Variants in STK36 observed in about 807,000 individuals in gnomAD.
The protein encoded by STK36 is serine/threonine kinase 36, also known as serine/threonine-protein kinase 36.
A neutral mutation model predicts 142.2 loss-of-function variants in STK36; 116 were observed. That is an observed-to-expected ratio of 0.82 (90% CI 0.70 to 0.95). The LOEUF (loss-of-function observed/expected upper bound fraction) is 0.95. STK36 is among the 40% of genes least tolerant of loss of function. STK36 has a pLI of 0.00. For synonymous variants in STK36, 619 were observed against 641.7 expected (o/e 0.96, Z 0.53); for missense variants, 1,422 against 1,617.2 (o/e 0.88, Z 2.07).
At chr2:218,679,106 T>C (rs1309266119) in intron 6 of STK36, 62 bp from the exon 7 acceptor site, 2 of 1,503,680 alleles carry the variant, frequency 1.3e-6, no homozygotes, top group African/African-American at 2.8e-5. Flanking sequence ...CTAGTTCTGC[T>C]GATAGAGAGA....
Position 218,676,249 on chromosome 2 carries a change from TG to T in STK36, c.657del (p.Trp219CysfsTer42). On this transcript the variant is annotated frameshift_variant, in exon 6 of 27. Transcript: ENST00000295709. LOFTEE classifies it high-confidence loss of function. Reference protein sequence around the residue: ...VSLILKDPVRWPSTISPCFKN... With the variant: ...VSLILKDPVRXPSTISPCFKN... ...CCTCATTCTCAAGGACCCTGTGCGC[TG>T]GCCCTCAACCATCAGTCCCTGCTTT... 1 of 1,614,224 alleles carries T rather than the reference TG, an allele frequency of 6.2e-7. No individual in the cohort carries two copies. The highest frequency in any genetic ancestry group is 1.1e-5 in the South Asian group (1 of 91,086).
chr2:218,675,570 G>A (rs1940202837), intron 5 of STK36, 97 bp downstream of exon 5: 9 of 1,426,478 alleles, frequency 6.3e-6, no homozygotes, highest in Non-Finnish European at 8.4e-6. Flanking sequence ...TGTTACCCAG[G>A]CTGAAGTGCA....
At chr2:218,693,854 T>G in intron 18 of STK36, 33 bp downstream of exon 18, 1 of 1,614,110 alleles carries the variant, frequency 6.2e-7, no homozygotes, top group Non-Finnish European at 8.5e-7. Flanking sequence ...CCCCACTGTC[T>G]CAGCCAGAGG....
At chr2:218,685,277 A>C in intron 11 of STK36, 49 bp downstream of exon 11, 1 of 1,605,888 alleles carries the variant, frequency 6.2e-7, no homozygotes, top group South Asian at 1.1e-5. Flanking sequence ...GTTTTCACAG[A>C]TGGAGCATTG....
At chr2:218,701,415 A>G (rs1941439561) in intron 26 of STK36, among the ~76,000 whole-genome samples, 1 of 151,822 alleles carries the variant, frequency 6.6e-6, no homozygotes, top group Admixed American at 6.6e-5. Flanking sequence ...ACGGGATTAC[A>G]GGCATGAGCC....
chr2:218,697,439 G>C, intron 23 of STK36, 24 bp from the exon 24 acceptor site: 3 of 1,612,920 alleles, frequency 1.9e-6, no homozygotes, highest in Non-Finnish European at 2.5e-6. Context: ...TGTTCCATTG[G>C]GTCTCCATTT....
intron 11 of STK36, among the ~76,000 whole-genome samples, chr2:218,687,644 G>A (rs2106356176): frequency 6.6e-6 from 1 of 152,248 alleles, no homozygotes; most frequent in Non-Finnish European, 1.5e-5. Context: ...ACTCCCTCTG[G>A]TGGAATTCCA....
intron 5 of STK36, among the ~76,000 whole-genome samples, chr2:218,675,722 C>G (rs1208722911): frequency 6.6e-6 from 1 of 151,878 alleles, no homozygotes; most frequent in Non-Finnish European, 1.5e-5. Flanking sequence ...TGGGGTTTCT[C>G]CATGTTGGTC....
At chr2:218,696,912 G>A in intron 22 of STK36, 127 bp from the exon 23 acceptor site, 1 of 1,328,292 alleles carries the variant, frequency 7.5e-7, no homozygotes, top group Non-Finnish European at 1.1e-6. Context: ...GGAAATACTA[G>A]GTGGGAAAGC....
At chr2:218,679,320 C>T in intron 7 of STK36, 59 bp downstream of exon 7, 7 of 1,509,390 alleles carry the variant, frequency 4.6e-6, no homozygotes, top group East Asian at 2.3e-5. Flanking sequence ...TAAACTACTT[C>T]CCTTTCACTT....
intron 4 of STK36, among the ~76,000 whole-genome samples, chr2:218,674,342 A>G (rs544079744): frequency 1.3e-5 from 2 of 152,336 alleles, no homozygotes; most frequent in South Asian, 4.1e-4. Context: ...AGATACCTTT[A>G]GGGAAGAAGG....
At chr2:218,690,263 T>C (rs1218695559) in intron 13 of STK36, among the ~76,000 whole-genome samples, 187 bp from the exon 14 acceptor site, 1 of 152,060 alleles carries the variant, frequency 6.6e-6, no homozygotes, top group Non-Finnish European at 1.5e-5. Flanking sequence ...AATATGCGAA[T>C]AACCTAGAGA....
chr2:218,679,723 G>T lies in STK36; in HGVS notation c.942G>T (p.Met314Ile), dbSNP rs748772058. The T allele has an allele frequency of 5.9e-5, 96 of 1,614,128 alleles. No individual in the cohort carries two copies. The highest frequency in any genetic ancestry group is 7.7e-5 in the Non-Finnish European group (91 of 1,180,056). ...ATAAACGCATGGCTGAGGAGGCCAT[G>T]CAGAAGGTGTGTGGGGCAGAGGAAA... ...QAYKRMAEEAMQKKHQNTGPA... is the reference protein window; with the variant it reads ...QAYKRMAEEAIQKKHQNTGPA... Residue 314 changes from methionine to isoleucine, a missense_variant, in exon 8 of 27, where the codon ATG (methionine) becomes ATT (isoleucine). Met to Ile is a conservative substitution (Grantham distance 10). Coordinates refer to ENST00000295709, the MANE Select transcript of STK36 (RefSeq NM_015690.5).
intron 14 of STK36, 71 bp downstream of exon 14, chr2:218,690,626 T>C: frequency 3.2e-6 from 4 of 1,231,266 alleles, no homozygotes; most frequent in Middle Eastern, 3.7e-4. Flanking sequence ...CCCTTTCTTA[T>C]GACTATGTAG....
At chr2:218,680,159 G>A in intron 9 of STK36, 79 bp downstream of exon 9, 2 of 1,406,362 alleles carry the variant, frequency 1.4e-6, no homozygotes, top group Non-Finnish European at 2.0e-6. Flanking sequence ...AATACAGAAT[G>A]GTCCCTGTCA....
intron 10 of STK36, among the ~76,000 whole-genome samples, chr2:218,682,778 A>G (rs1210086394): frequency 1.3e-5 from 2 of 151,870 alleles, no homozygotes; most frequent in Non-Finnish European, 2.9e-5. Context: ...GTTTTTTTAG[A>G]GAGAAGGTTT....
intron 2 of STK36, chr2:218,673,378 A>G: frequency 1.9e-6 from 1 of 525,960 alleles, no homozygotes; most frequent in East Asian, 3.2e-5. Context: ...GTGCTGGTCA[A>G]ATCAGAACAC....
At position 218,688,713 on chromosome 2, in the gene STK36, T is replaced by A; in HGVS notation, c.1397T>A (p.Leu466Ter). 6.2e-7 allele frequency: 1 copy of A among 1,612,610 alleles called. No individual in the cohort carries two copies. The highest frequency in any genetic ancestry group is 1.3e-5 in the African/African-American group (1 of 74,906). The change falls in exon 12 of 27, where the codon TTG becomes TAG. Residue 466 changes from leucine (L) to a stop codon, truncating the protein, a stop_gained. Transcript: ENST00000295709. LOFTEE classifies it high-confidence loss of function. Reference protein sequence around the residue: ...EAGGQILKGILEGASHILPAF... With the variant: ...EAGGQILKGI ...GTCACCCAGATCCTGAAAGGCATCT[T>A]GGAGGGTGCTTCCCACATCCTGCCT...
At chr2:218,692,042 G>T in intron 14 of STK36, 101 bp from the exon 15 acceptor site, 1 of 1,446,130 alleles carries the variant, frequency 6.9e-7, no homozygotes, top group Non-Finnish European at 9.3e-7. Context: ...GTTTGCTTTG[G>T]TTTTTGTCCT....
Sources: allele counts gnomAD v4.1 joint callset (sites outside exome capture counted in the v4.1 genomes callset), GRCh38; gene constraint gnomAD v4.1.1; transcripts MANE v1.5; gene names NCBI Gene and HGNC (gene_info 2026-07-23, HGNC 2026-07-21).